The following PTPN12 variants were observed in gnomAD, a reference collection of about 807,000 sequenced individuals.
PTPN12 encodes tyrosine-protein phosphatase non-receptor type 12.
Under a neutral mutation model 97.6 loss-of-function variants are expected in PTPN12, and 29 were observed. The observed-to-expected ratio is 0.30, with a 90% CI of 0.22 to 0.41. PTPN12 has a LOEUF of 0.41. Among genes scored for constraint, PTPN12 ranks in the 10% least tolerant of loss-of-function variants. The pLI is 1.00. For missense variants in PTPN12, 819 were observed against 926.0 expected, an observed-to-expected ratio of 0.88 and a Z score of 1.50; for synonymous variants, 327 against 300.4, an observed-to-expected ratio of 1.09 and a Z score of -0.91.
intron 5 of PTPN12, among the ~76,000 whole-genome samples, chr7:77,591,866 T>TG (rs981676315): frequency 2.6e-5 from 4 of 152,222 alleles, no homozygotes; most frequent in African/African-American, 9.6e-5. Flanking sequence ...AATACCTCCT[T>TG]GTACCAGACA....
At chr7:77,553,810 A>G (rs1357092401) in intron 1 of PTPN12, among the ~76,000 whole-genome samples, 1 of 151,014 alleles carries the variant, frequency 6.6e-6, no homozygotes, top group Non-Finnish European at 1.5e-5. Context: ...AATGTCTACC[A>G]TATTTGCCAC....
Position 77,593,667 on chromosome 7 carries a change from C to G in PTPN12, c.492+1411C>G, listed in dbSNP as rs145361106. On this transcript the variant is annotated intron_variant, in intron 6 of 17. Transcript: ENST00000248594. Reference sequence around the variant, plus strand: ...GGCCTTCAACAGATTGGATGAGGCCCAACAACATTATGGAGGACAGTTTGC... The same window carrying G: ...GGCCTTCAACAGATTGGATGAGGCCGAACAACATTATGGAGGACAGTTTGC... Among the ~76,000 whole-genome samples, 32 of 152,310 alleles carry G rather than the reference C, an allele frequency of 2.1e-4. No homozygotes were observed. In the East Asian group the frequency reaches 5.6e-3, roughly 27 times the overall value.
At chr7:77,540,530 C>T (rs1444588324) in intron 1 of PTPN12, among the ~76,000 whole-genome samples, 1 of 152,080 alleles carries the variant, frequency 6.6e-6, no homozygotes, top group Non-Finnish European at 1.5e-5. Flanking sequence ...AGGCATGAGC[C>T]ACCGAGAGTT....
At chr7:77,609,759 T>C (rs1788501750) in intron 9 of PTPN12, among the ~76,000 whole-genome samples, 1 of 151,708 alleles carries the variant, frequency 6.6e-6, no homozygotes, top group African/African-American at 2.4e-5. Context: ...CGGGGGCCTG[T>C]AGTCCCAGCT....
At chr7:77,588,966 G>A (rs561265512) in intron 5 of PTPN12, among the ~76,000 whole-genome samples, 4 of 151,932 alleles carry the variant, frequency 2.6e-5, no homozygotes, top group African/African-American at 4.8e-5. Flanking sequence ...TCCATCTCCC[G>A]GGTTCAGGTA....
At chr7:77,622,185 G>C (rs2151388191) in intron 12 of PTPN12, among the ~76,000 whole-genome samples, 1 of 152,228 alleles carries the variant, frequency 6.6e-6, no homozygotes, top group East Asian at 1.9e-4. Flanking sequence ...AAACTCTTGG[G>C]CTCAAGGGAT....
rs1362913670 is a variant in PTPN12, at chr7:77,605,316, CATCTT to C, written c.696-1916_696-1912del. On this transcript the variant is annotated intron_variant, in intron 8 of 17. Coordinates refer to ENST00000248594, the MANE Select transcript of PTPN12 (RefSeq NM_002835.4). ...AAGATTATTCTGGTGATGTCAGTAA[CATCTT>C]ATAATTACTCATAGTGATTTTCAAT... 5.4e-5 allele frequency among the ~76,000 whole-genome samples: 8 copies of C among 148,806 alleles called. No individual in the cohort carries two copies. In the East Asian group the frequency reaches 1.4e-3, roughly 26 times the overall value.
chr7:77,564,526 C>T (rs1584114620), intron 1 of PTPN12, among the ~76,000 whole-genome samples: 1 of 152,084 alleles, frequency 6.6e-6, no homozygotes, highest in East Asian at 1.9e-4. Context: ...GTAATTGCCT[C>T]AGAAATTTTC....
chr7:77,537,381 C>T lies in PTPN12; in HGVS notation c.-166C>T. The T allele has an allele frequency of 9.8e-7, 1 of 1,025,586 alleles. No homozygotes were observed. Among genetic ancestry groups the T allele is most frequent in the Middle Eastern group, 3.3e-4 (1 of 3,010 alleles). 63.5% of individuals were successfully genotyped at this position (1,025,586 alleles called of 1,614,324 possible). On this transcript the variant is annotated 5_prime_UTR_variant, in exon 1 of 18. Coordinates refer to ENST00000248594, the MANE Select transcript of PTPN12 (RefSeq NM_002835.4). The stretch of plus-strand genomic sequence containing the variant: ...GTCGGGAGCCCAGCCGGTGCCGCCG[C>T]AGCCGCCGCCTAGGGCGGTGGGGAG...
At chr7:77,609,817 C>T (rs1230074985) in intron 9 of PTPN12, among the ~76,000 whole-genome samples, 2 of 151,068 alleles carry the variant, frequency 1.3e-5, no homozygotes, top group Non-Finnish European at 3.0e-5. Context: ...GGAGGCGGAG[C>T]TTGCAGTGAG....
At chr7:77,553,114 T>TCCAAAA (rs1335840478) in intron 1 of PTPN12, among the ~76,000 whole-genome samples, 2 of 152,202 alleles carry the variant, frequency 1.3e-5, no homozygotes, top group African/African-American at 2.4e-5. Flanking sequence ...TGCCCCTACA[T>TCCAAAA]CCAAAATTTT....
At chr7:77,632,943 A>G (rs968651800) in intron 14 of PTPN12, among the ~76,000 whole-genome samples, 18 of 152,028 alleles carry the variant, frequency 1.2e-4, no homozygotes, top group Admixed American at 9.2e-4. Context: ...GGCGAAGAGC[A>G]AGATTTCGTC....
intron 11 of PTPN12, among the ~76,000 whole-genome samples, chr7:77,614,621 T>C (rs1358701497): frequency 6.7e-6 from 1 of 150,366 alleles, no homozygotes; most frequent in African/African-American, 2.5e-5. Flanking sequence ...CTTTTTAGTA[T>C]TTTCTTCTTA....
chr7:77,580,455 GT>G (rs1413355139), intron 2 of PTPN12, among the ~76,000 whole-genome samples: 3 of 152,158 alleles, frequency 2.0e-5, no homozygotes, highest in African/African-American at 7.2e-5. Flanking sequence ...CATTTGTGTA[GT>G]AGTTTTTCAA....
intron 1 of PTPN12, among the ~76,000 whole-genome samples, chr7:77,565,436 C>G (rs1346510356): frequency 1.3e-5 from 2 of 152,164 alleles, no homozygotes; most frequent in Non-Finnish European, 2.9e-5. Context: ...AGGTTTTTGG[C>G]TTGAACTACT....
intron 2 of PTPN12, among the ~76,000 whole-genome samples, chr7:77,572,791 A>G (rs971231526): frequency 5.3e-5 from 8 of 152,172 alleles, no homozygotes; most frequent in African/African-American, 1.9e-4. Flanking sequence ...AATGCTTAAA[A>G]GTGTACCCAG....
chr7:77,611,079 C>T, intron 11 of PTPN12, 33 bp downstream of exon 11: 1 of 1,497,808 alleles, frequency 6.7e-7, no homozygotes, highest in Non-Finnish European at 9.2e-7. Context: ...TTTTAGGAAA[C>T]TTTTACTCTT....
intron 16 of PTPN12, 44 bp from the exon 17 acceptor site, chr7:77,638,580 C>T (rs1414090543): frequency 2.6e-6 from 4 of 1,522,214 alleles, no homozygotes; most frequent in South Asian, 2.7e-5. Flanking sequence ...ATATATGATG[C>T]TACAAAGGAT....
chr7:77,610,584 A>G (rs143229410), intron 9 of PTPN12, among the ~76,000 whole-genome samples, 181 bp from the exon 10 acceptor site: 7 of 152,300 alleles, frequency 4.6e-5, no homozygotes, highest in African/African-American at 1.4e-4. Context: ...TTGAATGCTG[A>G]GGGTCAAGAA....
Sources: gnomAD v4.1 joint callset for allele counts (sites outside exome capture counted in the v4.1 genomes callset) on GRCh38, gnomAD v4.1.1 for gene constraint, MANE v1.5 for transcripts, NCBI Gene and HGNC (gene_info 2026-07-23, HGNC 2026-07-21) for gene names.